PRKCH: variants seen among roughly 807,000 people sequenced by gnomAD.
PRKCH encodes protein kinase C eta, also known as protein kinase C eta type.
Under a neutral mutation model 82.5 loss-of-function variants are expected in PRKCH, and 28 were observed. The ratio of observed to expected loss-of-function variants is 0.34; its 90% CI spans 0.25 to 0.47. The LOEUF (loss-of-function observed/expected upper bound fraction) is 0.47. Among genes scored for constraint, PRKCH ranks in the 20% least tolerant of loss-of-function variants. The pLI is 1.00. For synonymous variants in PRKCH, 322 were observed against 327.4 expected, an observed-to-expected ratio of 0.98 and a Z score of 0.18; for missense variants, 705 against 881.8, an observed-to-expected ratio of 0.80 and a Z score of 2.54.
intron 1 of PRKCH, among the ~76,000 whole-genome samples, chr14:61,193,463 A>G (rs1302463317): frequency 6.6e-6 from 1 of 152,172 alleles, no homozygotes; most frequent in Non-Finnish European, 1.5e-5. Context: ...TCTCCTGTTA[A>G]TTATAAACAA....
intron 2 of PRKCH, among the ~76,000 whole-genome samples, chr14:61,401,681 G>A (rs1256169447): frequency 6.6e-6 from 1 of 152,166 alleles, no homozygotes; most frequent in Non-Finnish European, 1.5e-5. Flanking sequence ...GTCTTTGATG[G>A]AACAGTAAAC....
intron 1 of PRKCH, among the ~76,000 whole-genome samples, chr14:61,268,176 G>C (rs1208512361): frequency 6.6e-6 from 1 of 152,178 alleles, no homozygotes; most frequent in African/African-American, 2.4e-5. Flanking sequence ...TTACCTGGCT[G>C]ACAGTGAGTC....
chr14:61,526,894 A>C (rs548405652), intron 10 of PRKCH, among the ~76,000 whole-genome samples: 1 of 152,324 alleles, frequency 6.6e-6, no homozygotes, highest in African/African-American at 2.4e-5. Context: ...CCTCCTTGTC[A>C]CTGATCAGCC....
intron 1 of PRKCH, among the ~76,000 whole-genome samples, chr14:61,252,043 T>A (rs1408523496): frequency 6.6e-6 from 1 of 152,164 alleles, no homozygotes; most frequent in African/African-American, 2.4e-5. Context: ...TTTCACCATG[T>A]TGGTCAGGCT....
chr14:61,335,182 G>T (rs2045840694), intron 1 of PRKCH, among the ~76,000 whole-genome samples: 1 of 152,124 alleles, frequency 6.6e-6, no homozygotes, highest in Non-Finnish European at 1.5e-5. Flanking sequence ...TTAGAAAAGA[G>T]GGTGGTGGTA....
At chr14:61,269,292 G>A (rs2045130964) in intron 1 of PRKCH, among the ~76,000 whole-genome samples, 1 of 152,048 alleles carries the variant, frequency 6.6e-6, no homozygotes. Context: ...TGTATAGAAA[G>A]TCACAAAATT....
intron 10 of PRKCH, among the ~76,000 whole-genome samples, chr14:61,524,171 G>A (rs2042938382): frequency 6.6e-6 from 1 of 152,218 alleles, no homozygotes; most frequent in Admixed American, 6.5e-5. Flanking sequence ...TAAGACTCAT[G>A]TCAATCTGTT....
intron 1 of PRKCH, among the ~76,000 whole-genome samples, chr14:61,354,565 A>G (rs1237363424): frequency 1.3e-5 from 2 of 152,220 alleles, no homozygotes; most frequent in Middle Eastern, 3.4e-3. Flanking sequence ...AGTTTATTCT[A>G]TAAGCATTTA....
chr14:61,385,560 T>C (rs544529269), intron 1 of PRKCH, among the ~76,000 whole-genome samples: 33 of 152,284 alleles, frequency 2.2e-4, no homozygotes, highest in African/African-American at 6.7e-4. Flanking sequence ...AAGGGCACTG[T>C]CACTGTCAAG....
intron 2 of PRKCH, among the ~76,000 whole-genome samples, chr14:61,411,518 AT>A (rs1882269508): frequency 6.6e-6 from 1 of 152,260 alleles, no homozygotes; most frequent in Non-Finnish European, 1.5e-5. Flanking sequence ...TGAAACAATG[AT>A]TTGTAAGACA....
Position 61,425,311 on chromosome 14 carries a change from C to T in PRKCH, c.428-17800C>T, listed in dbSNP as rs545570821. Among the ~76,000 whole-genome samples, 10 of 152,298 alleles carry T rather than the reference C, an allele frequency of 6.6e-5. No homozygotes were observed. The South Asian group carries it at 2.1e-3, about 32-fold the overall frequency. ...CTCAACACCAGCCTATGAAAGCAGC[C>T]AGGAGGGGGATATACCCTGCAGAGC... On this transcript the variant is annotated intron_variant, in intron 2 of 13. Coordinates refer to ENST00000332981, the MANE Select transcript of PRKCH (RefSeq NM_006255.5).
At chr14:61,451,065 TG>T in intron 6 of PRKCH, 94 bp downstream of exon 6, 2 of 1,401,588 alleles carry the variant, frequency 1.4e-6, no homozygotes, top group Non-Finnish European at 1.9e-6. Flanking sequence ...GTCCTAGAAC[TG>T]ATGGTTTTAG....
At position 61,230,707 on chromosome 14, in the gene PRKCH, A is replaced by G. The variant is rs78686582; in HGVS notation, c.-19+43039A>G. On this transcript the variant is annotated intron_variant, in intron 1 of 3. Transcript: ENST00000555185. ...TGACCACTGTCCCCCAACACATACA[A>G]TGGTTTTCTGTGGGATCCCCTCTCA... Among the ~76,000 whole-genome samples, 670 of 152,270 alleles carry G rather than the reference A, an allele frequency of 4.4e-3. 6 individuals are homozygous for G. The highest frequency in any genetic ancestry group is 0.016 in the African/African-American group (645 of 41,552).
At chr14:61,455,149 C>A (rs1357842970) in intron 7 of PRKCH, among the ~76,000 whole-genome samples, 2 of 151,818 alleles carry the variant, frequency 1.3e-5, no homozygotes, top group Non-Finnish European at 2.9e-5. Context: ...CCTGCCTCAG[C>A]CTTCCGAGTA....
intron 2 of PRKCH, among the ~76,000 whole-genome samples, chr14:61,410,201 A>T (rs1189816381): frequency 2.0e-5 from 3 of 152,046 alleles, no homozygotes; most frequent in Admixed American, 6.6e-5. Flanking sequence ...GTTTTGTTTC[A>T]CTTAGGACTT....
intron 1 of PRKCH, among the ~76,000 whole-genome samples, chr14:61,381,983 C>T (rs553620791): frequency 1.3e-5 from 2 of 152,320 alleles, no homozygotes; most frequent in African/African-American, 4.8e-5. Flanking sequence ...TGTGACCTCA[C>T]CCAATTCAGT....
chr14:61,232,618 G>C (rs1463512907), intron 1 of PRKCH, among the ~76,000 whole-genome samples: 1 of 152,222 alleles, frequency 6.6e-6, no homozygotes, highest in African/African-American at 2.4e-5. Flanking sequence ...TCCCCTTAGA[G>C]TTGGGGAATG....
intron 7 of PRKCH, among the ~76,000 whole-genome samples, chr14:61,454,410 T>C (rs1430586276): frequency 6.6e-6 from 1 of 152,166 alleles, no homozygotes; most frequent in African/African-American, 2.4e-5. Flanking sequence ...GCCTTTCTTT[T>C]CTGTTTTAAA....
At chr14:61,314,562 T>C (rs12886616) in intron 1 of PRKCH, among the ~76,000 whole-genome samples, 87,195 of 152,076 alleles carry the variant, frequency 0.57, 27,701 homozygotes, top group Non-Finnish European at 0.7. Flanking sequence ...ACTAACTTGA[T>C]TGCTTTTTAT....
Sources: gnomAD v4.1 joint callset for allele counts (sites outside exome capture counted in the v4.1 genomes callset) on GRCh38, gnomAD v4.1.1 for gene constraint, MANE v1.5 for transcripts, NCBI Gene and HGNC (gene_info 2026-07-23, HGNC 2026-07-21) for gene names.